The following BRD7 variants were observed in gnomAD, a reference collection of about 807,000 sequenced individuals.
BRD7 encodes bromodomain containing 7.
BRD7 carries 15 observed loss-of-function variants against 82.1 expected under a neutral mutation model. That is an observed-to-expected ratio of 0.18 (90% CI 0.12 to 0.28). BRD7 has a LOEUF of 0.28. BRD7 is among the 10% of genes least tolerant of loss of function. BRD7 has a pLI of 1.00. For synonymous variants in BRD7, 232 were observed against 266.9 expected, an observed-to-expected ratio of 0.87 and a Z score of 1.27; for missense variants, 638 against 779.9, an observed-to-expected ratio of 0.82 and a Z score of 2.17.
At chr16:50,347,805 G>T (rs1459511017) in intron 5 of BRD7, among the ~76,000 whole-genome samples, 1 of 152,194 alleles carries the variant, frequency 6.6e-6, no homozygotes, top group East Asian at 1.9e-4. Context: ...TGGGTAGGAA[G>T]AATCAATATC....
intron 1 of BRD7, 86 bp downstream of exon 1, chr16:50,368,640 C>T (rs2151221154): frequency 1.4e-6 from 2 of 1,430,462 alleles, no homozygotes; most frequent in Non-Finnish European, 9.4e-7. Flanking sequence ...GGAAGGGCCC[C>T]GGGCCGCCCC....
chr16:50,350,649 T>C (rs1484148557), intron 4 of BRD7, among the ~76,000 whole-genome samples: 1 of 152,192 alleles, frequency 6.6e-6, no homozygotes, highest in African/African-American at 2.4e-5. Context: ...TTCTATCACG[T>C]GTATGTGGGG....
chr16:50,348,954 C>T (rs544735748), intron 5 of BRD7: 169 of 152,382 alleles, frequency 1.1e-3, no homozygotes, highest in African/African-American at 3.8e-3. Context: ...GACACATGCG[C>T]ACGTATGTTT....
At chr16:50,341,538 G>A (rs2038053572) in intron 5 of BRD7, among the ~76,000 whole-genome samples, 1 of 151,332 alleles carries the variant, frequency 6.6e-6, no homozygotes, top group African/African-American at 2.4e-5. Flanking sequence ...AGCTACTTGG[G>A]AGGCTGAGGC....
At chr16:50,364,262 C>T (rs1471243218) in intron 2 of BRD7, among the ~76,000 whole-genome samples, 1 of 152,162 alleles carries the variant, frequency 6.6e-6, no homozygotes, top group Non-Finnish European at 1.5e-5. Context: ...CCCTCAGAAT[C>T]ATACATACTC....
chr16:50,324,531 C>A (rs187739291), intron 11 of BRD7, among the ~76,000 whole-genome samples: 31 of 152,348 alleles, frequency 2.0e-4, no homozygotes, highest in African/African-American at 7.0e-4. Context: ...CTGCACTCTT[C>A]TGCTTCTTCC....
At chr16:50,330,482 C>G (rs922188286) in intron 8 of BRD7, among the ~76,000 whole-genome samples, 6 of 151,950 alleles carry the variant, frequency 3.9e-5, no homozygotes, top group African/African-American at 1.5e-4. Flanking sequence ...TTCTGTGCCT[C>G]TGAGATGTAA....
At position 50,368,751 on chromosome 16, in the gene BRD7, G is replaced by T; in HGVS notation, c.24C>A (p.His8Gln). 6.4e-7 allele frequency: 1 copy of T among 1,551,532 alleles called. No homozygotes were observed. The highest frequency in any genetic ancestry group is 1.2e-5 in the South Asian group (1 of 86,538). Residue 8 changes from histidine to glutamine, a missense_variant, in exon 1 of 17, where the codon CAC becomes CAA. Transcript: ENST00000394688. The part of the protein sequence containing the change: MGKKHKK[H>Q]KSDKHLYEEY... ...CCTCGTAGAGGTGTTTGTCCGACTT[G>T]TGCTTCTTGTGCTTCTTGCCCATGT...
At chr16:50,341,101 T>C (rs1351009295) in intron 5 of BRD7, among the ~76,000 whole-genome samples, 1 of 150,408 alleles carries the variant, frequency 6.6e-6, no homozygotes, top group Non-Finnish European at 1.5e-5. Context: ...GGATCTTCAG[T>C]TTGGGCCATG....
chr16:50,356,782 C>G (rs2038753748), intron 2 of BRD7, among the ~76,000 whole-genome samples: 2 of 151,458 alleles, frequency 1.3e-5, no homozygotes, highest in African/African-American at 4.9e-5. Flanking sequence ...ATGTTGAGAT[C>G]TGTTAAAGCT....
chr16:50,358,550 T>C (rs936200552), intron 2 of BRD7, among the ~76,000 whole-genome samples: 3 of 151,792 alleles, frequency 2.0e-5, no homozygotes, highest in Non-Finnish European at 2.9e-5. Flanking sequence ...TCTGTGACCT[T>C]AGGCAATTCA....
intron 2 of BRD7, among the ~76,000 whole-genome samples, chr16:50,359,259 G>A (rs1225129345): frequency 6.6e-6 from 1 of 152,182 alleles, no homozygotes; most frequent in Non-Finnish European, 1.5e-5. Flanking sequence ...GTCACTAGTA[G>A]GTGACAAAGC....
At chr16:50,331,516 A>G (rs1281879514) in intron 8 of BRD7, among the ~76,000 whole-genome samples, 2 of 152,216 alleles carry the variant, frequency 1.3e-5, no homozygotes, top group African/African-American at 4.8e-5. Flanking sequence ...TGCCTGGGCA[A>G]TATGGTGAAA....
At chr16:50,337,080 T>C (rs144842311) in intron 6 of BRD7, among the ~76,000 whole-genome samples, 1 of 152,282 alleles carries the variant, frequency 6.6e-6, no homozygotes, top group Non-Finnish European at 1.5e-5. Context: ...TTACCTGGGC[T>C]AAAGTCACAC....
intron 9 of BRD7, among the ~76,000 whole-genome samples, chr16:50,326,731 TA>T: frequency 6.6e-6 from 1 of 152,072 alleles, no homozygotes; most frequent in Admixed American, 6.5e-5. Flanking sequence ...AGTTAACCAG[TA>T]CAAAGGTTAG....
At chr16:50,339,090 G>A (rs900555391) in intron 6 of BRD7, among the ~76,000 whole-genome samples, 13 of 152,232 alleles carry the variant, frequency 8.5e-5, no homozygotes, top group African/African-American at 2.9e-4. Flanking sequence ...TCATGTTTAC[G>A]CTCTTTCCTG....
At position 50,318,378 on chromosome 16, in the gene BRD7, C is replaced by CTTAA. The variant is rs1264669411; in HGVS notation, c.*829_*832dup. 6.0e-5 allele frequency: 9 copies of CTTAA among 150,622 alleles called. No homozygotes were observed. Among genetic ancestry groups the CTTAA allele is most frequent in the Admixed American group, 2.0e-4 (3 of 14,980 alleles). The allele number at this position is 150,622 out of a possible 1,614,324, so 9.3% of individuals were successfully genotyped here. A position where few individuals can be genotyped will look rare whatever the true frequency, so the allele number is the denominator to read the frequency against. ...GAAGGATTGTATAAGGGCCTTCAAACTTAATTTGTTCACTGAACAAGGCTA... is the reference window on the plus strand; with the variant it reads ...GAAGGATTGTATAAGGGCCTTCAAACTTAATTAATTTGTTCACTGAACAAGGCTA... On this transcript the variant is annotated 3_prime_UTR_variant, in exon 17 of 17. Transcript: ENST00000394688.
Position 50,339,964 on chromosome 16 carries a change from A to G in BRD7, c.702+12T>C. The G allele has an allele frequency of 1.4e-6, 2 of 1,480,628 alleles. No individual in the cohort carries two copies. The highest frequency in any genetic ancestry group is 1.9e-6 in the Non-Finnish European group (2 of 1,077,018). 91.7% of individuals were successfully genotyped at this position (1,480,628 alleles called of 1,614,324 possible). On this transcript the variant is annotated intron_variant, in intron 6 of 16. Coordinates refer to ENST00000394688, the MANE Select transcript of BRD7 (RefSeq NM_013263.5). ...TTAATAACTATTATTTATGACAAAG[A>G]GTTTCCTTTACCTGGCTAAGAATTT...
intron 5 of BRD7, among the ~76,000 whole-genome samples, chr16:50,341,957 C>G (rs1482090999): frequency 6.6e-6 from 1 of 151,362 alleles, no homozygotes; most frequent in Non-Finnish European, 1.5e-5. Context: ...CACACACACA[C>G]ACACACACAC....
Sources: gnomAD v4.1 joint callset for allele counts (sites outside exome capture counted in the v4.1 genomes callset) on GRCh38, gnomAD v4.1.1 for gene constraint, MANE v1.5 for transcripts, NCBI Gene and HGNC (gene_info 2026-07-23, HGNC 2026-07-21) for gene names.